Variants in WWOX observed in about 807,000 individuals in gnomAD.
WWOX encodes WW domain-containing oxidoreductase.
WWOX carries 69 observed loss-of-function variants against 46.2 expected under a neutral mutation model. That is an observed-to-expected ratio of 1.49 (90% CI 1.23 to 1.82). WWOX has a LOEUF of 1.82. Ranked by LOEUF, WWOX falls within the 40% of genes most tolerant of loss-of-function variation. WWOX has a pLI of 0.00. For synonymous variants in WWOX, 359 were observed against 202.6 expected, an observed-to-expected ratio of 1.77 and a Z score of -6.56; for missense variants, 919 against 542.6, an observed-to-expected ratio of 1.69 and a Z score of -6.89.
In WWOX at chr16:79,049,209, T is replaced by C. The variant is rs1043844581; in HGVS notation, c.1057-162399T>C. Among the ~76,000 whole-genome samples, 6 of 152,340 alleles carry C rather than the reference T, an allele frequency of 3.9e-5. No homozygotes were observed. In the South Asian group the frequency reaches 1.0e-3, roughly 26 times the overall value. ...GTAACTCAAAAGCAGCCATGGCTGT[T>C]ACATAATGAGTGGCTGTGGCTGTGT... is the stretch of plus-strand genomic sequence containing the variant. On this transcript the variant is annotated intron_variant, in intron 8 of 8. Transcript: ENST00000566780.
At chr16:78,861,398 A>C (rs928501643) in intron 8 of WWOX, among the ~76,000 whole-genome samples, 1 of 152,230 alleles carries the variant, frequency 6.6e-6, no homozygotes, top group African/African-American at 2.4e-5. Flanking sequence ...GATTTACAGA[A>C]GTTGACAGAG....
chr16:79,151,467 G>A (rs1365008840), intron 8 of WWOX, among the ~76,000 whole-genome samples: 3 of 152,232 alleles, frequency 2.0e-5, no homozygotes, highest in Non-Finnish European at 4.4e-5. Context: ...TTGGCAGGAG[G>A]TGGCAGAGGG....
intron 8 of WWOX, among the ~76,000 whole-genome samples, chr16:78,636,287 C>G (rs916480791): frequency 6.6e-6 from 1 of 152,158 alleles, no homozygotes; most frequent in African/African-American, 2.4e-5. Flanking sequence ...GTGTCAATTG[C>G]TCTACCAGAC....
intron 4 of WWOX, among the ~76,000 whole-genome samples, chr16:78,157,412 A>G (rs1248546581): frequency 1.3e-5 from 2 of 152,200 alleles, no homozygotes; most frequent in South Asian, 2.1e-4. Context: ...AAGGGGTGAC[A>G]TTGGTATCAC....
At chr16:78,800,261 C>T (rs115664456) in intron 8 of WWOX, among the ~76,000 whole-genome samples, 30 of 150,680 alleles carry the variant, frequency 2.0e-4, no homozygotes, top group Non-Finnish European at 3.5e-4. Context: ...AAAAAAAAGT[C>T]GAGCTTTTCA....
chr16:79,043,188 G>A lies in WWOX; in HGVS notation c.1057-168420G>A, dbSNP rs1158837111. ...GATGTAGCTTTGAATGGCCACATGAGTGTTTTTTTAAATGAAAAAAAAATC... is the reference window on the plus strand; with the variant it reads ...GATGTAGCTTTGAATGGCCACATGAATGTTTTTTTAAATGAAAAAAAAATC... On this transcript the variant is annotated intron_variant, in intron 8 of 8. Transcript: ENST00000566780. 2.0e-5 allele frequency among the ~76,000 whole-genome samples: 3 copies of A among 151,712 alleles called. No individual in the cohort carries two copies. The East Asian group carries it at 5.8e-4, about 29-fold the overall frequency.
intron 8 of WWOX, among the ~76,000 whole-genome samples, chr16:78,934,588 C>T (rs1187380089): frequency 6.6e-6 from 1 of 151,006 alleles, no homozygotes; most frequent in Non-Finnish European, 1.5e-5. Flanking sequence ...AAGCTAGCAT[C>T]TGTTTTTACC....
At chr16:78,282,736 G>A (rs1325870326) in intron 5 of WWOX, among the ~76,000 whole-genome samples, 3 of 151,920 alleles carry the variant, frequency 2.0e-5, no homozygotes, top group African/African-American at 7.3e-5. Flanking sequence ...AAATTAGCCG[G>A]GAGTGGTGGT....
intron 8 of WWOX, among the ~76,000 whole-genome samples, chr16:78,655,961 G>C (rs1441920915): frequency 6.6e-6 from 1 of 152,150 alleles, no homozygotes; most frequent in African/African-American, 2.4e-5. Context: ...AGCCTGGGGA[G>C]AAGCCTTGGT....
At chr16:78,589,506 G>T (rs1450764410) in intron 8 of WWOX, among the ~76,000 whole-genome samples, 1 of 152,098 alleles carries the variant, frequency 6.6e-6, no homozygotes, top group Non-Finnish European at 1.5e-5. Flanking sequence ...CAGCCTCCCT[G>T]CCCATGGCAC....
intron 5 of WWOX, among the ~76,000 whole-genome samples, chr16:78,356,126 G>T (rs1395710807): frequency 7.8e-5 from 1 of 12,862 alleles, no homozygotes; most frequent in Non-Finnish European, 2.5e-4. Context: ...GGTGGAGGTT[G>T]CAGTGAGCCA....
intron 5 of WWOX, among the ~76,000 whole-genome samples, chr16:78,312,418 C>G (rs1333178767): frequency 1.5e-5 from 2 of 137,906 alleles, no homozygotes; most frequent in African/African-American, 5.4e-5. Flanking sequence ...GCTCTTGTCA[C>G]CTAGGCTGGA....
intron 8 of WWOX, among the ~76,000 whole-genome samples, chr16:78,829,475 C>A (rs1471425610): frequency 1.3e-5 from 2 of 152,168 alleles, no homozygotes; most frequent in African/African-American, 2.4e-5. Context: ...TGTAGAATCA[C>A]CCTCACAGAC....
intron 8 of WWOX, among the ~76,000 whole-genome samples, chr16:78,938,434 T>TGA (rs2045786661): frequency 6.6e-6 from 1 of 151,786 alleles, no homozygotes; most frequent in Admixed American, 6.6e-5. Flanking sequence ...GACCTTTGTG[T>TGA]GAGACAGTGA....
intron 8 of WWOX, among the ~76,000 whole-genome samples, chr16:79,121,505 G>A (rs1228890046): frequency 6.6e-6 from 1 of 152,188 alleles, no homozygotes; most frequent in African/African-American, 2.4e-5. Context: ...TGTTTACGGG[G>A]CTGTGGGATG....
At chr16:78,861,290 G>A (rs1346150656) in intron 8 of WWOX, among the ~76,000 whole-genome samples, 2 of 152,168 alleles carry the variant, frequency 1.3e-5, no homozygotes, top group East Asian at 3.8e-4. Context: ...TCTTCTCCCA[G>A]TCCATGCATC....
At chr16:78,251,357 C>T (rs777443694) in intron 5 of WWOX, among the ~76,000 whole-genome samples, 13 of 152,168 alleles carry the variant, frequency 8.5e-5, no homozygotes, top group African/African-American at 2.2e-4. Flanking sequence ...ACTCTGGCTT[C>T]GTCATCTTCC....
chr16:79,048,114 A>C (rs569539902), intron 8 of WWOX, among the ~76,000 whole-genome samples: 3 of 152,186 alleles, frequency 2.0e-5, no homozygotes, highest in Admixed American at 1.3e-4. Flanking sequence ...CTCAGATCAC[A>C]GACACGGAAA....
At chr16:78,790,990 C>T (rs946860948) in intron 8 of WWOX, among the ~76,000 whole-genome samples, 1 of 140,602 alleles carries the variant, frequency 7.1e-6, no homozygotes, top group Non-Finnish European at 1.5e-5. Flanking sequence ...TTGCACTCCA[C>T]CCTGGGTGAC....
Sources: allele counts gnomAD v4.1 joint callset (sites outside exome capture counted in the v4.1 genomes callset), GRCh38; gene constraint gnomAD v4.1.1; transcripts MANE v1.5; gene names NCBI Gene and HGNC (gene_info 2026-07-23, HGNC 2026-07-21).